The following CHN2 variants were observed in gnomAD, a reference collection of about 807,000 sequenced individuals.
CHN2 encodes the protein chimerin 2.
Under a neutral mutation model 56.3 loss-of-function variants are expected in CHN2, and 35 were observed. The ratio of observed to expected loss-of-function variants is 0.62; its 90% confidence interval spans 0.47 to 0.82. CHN2 has a LOEUF of 0.82. Ranked by LOEUF, CHN2 falls within the 40% of genes least tolerant of loss-of-function variation. CHN2 has a pLI of 0.00. For missense variants in CHN2, 491 were observed against 580.5 expected, an observed-to-expected ratio of 0.85 and a Z score of 1.58; for synonymous variants, 210 against 212.8, an observed-to-expected ratio of 0.99 and a Z score of 0.12.
At chr7:29,262,086 T>G (rs1478291336) in intron 1 of CHN2, among the ~76,000 whole-genome samples, 3 of 152,132 alleles carry the variant, frequency 2.0e-5, no homozygotes, top group Admixed American at 6.5e-5. Flanking sequence ...GAGAATCGCT[T>G]GAATCTGGAA....
intron 1 of CHN2, among the ~76,000 whole-genome samples, chr7:29,317,984 A>C (rs1241403575): frequency 6.6e-6 from 1 of 152,206 alleles, no homozygotes; most frequent in Non-Finnish European, 1.5e-5. Flanking sequence ...ACCCTGTCTC[A>C]AAAAAACAAA....
chr7:29,309,222 CG>C (rs1794402745), intron 1 of CHN2, among the ~76,000 whole-genome samples: 1 of 152,092 alleles, frequency 6.6e-6, no homozygotes, highest in Non-Finnish European at 1.5e-5. Flanking sequence ...CTTTGGCCTA[CG>C]GTTCAAAAAG....
intron 2 of CHN2, among the ~76,000 whole-genome samples, chr7:29,365,303 C>T (rs942163885): frequency 1.3e-5 from 2 of 152,198 alleles, no homozygotes; most frequent in African/African-American, 2.4e-5. Flanking sequence ...CATAGCACCT[C>T]AGCAAAACCT....
chr7:29,205,235 T>C (rs1229877177), intron 1 of CHN2, among the ~76,000 whole-genome samples: 1 of 152,208 alleles, frequency 6.6e-6, no homozygotes, highest in Non-Finnish European at 1.5e-5. Context: ...TTGGTGTTTC[T>C]TCCTATTGCT....
intron 2 of CHN2, among the ~76,000 whole-genome samples, chr7:29,149,097 A>C (rs1236890794): frequency 4.6e-5 from 7 of 152,010 alleles, no homozygotes; most frequent in Admixed American, 6.6e-5. Context: ...TGAGGTTAGA[A>C]AATTAGACTG....
intron 1 of CHN2, among the ~76,000 whole-genome samples, chr7:29,269,387 C>CT (rs1790429580): frequency 6.6e-6 from 1 of 152,122 alleles, no homozygotes; most frequent in African/African-American, 2.4e-5. Context: ...ATATTTTATT[C>CT]TTTTTTGTGG....
At chr7:29,238,178 C>T (rs1054351764) in intron 1 of CHN2, among the ~76,000 whole-genome samples, 4 of 151,910 alleles carry the variant, frequency 2.6e-5, no homozygotes, top group African/African-American at 4.8e-5. Context: ...CCACCACGCC[C>T]GGCTAATATT....
intron 2 of CHN2, chr7:29,184,632 T>C (rs1798484378): frequency 6.6e-6 from 1 of 152,246 alleles, no homozygotes; most frequent in South Asian, 2.1e-4. Context: ...TCAGCCTTTC[T>C]GTTTTCTCCA....
chr7:29,330,612 A>G (rs571857783), intron 1 of CHN2, among the ~76,000 whole-genome samples: 12 of 152,336 alleles, frequency 7.9e-5, no homozygotes, highest in Admixed American at 3.3e-4. Context: ...AAACAAAGTA[A>G]TAATTTAGCA....
chr7:29,404,592 C>T (rs1198649909), intron 6 of CHN2, among the ~76,000 whole-genome samples: 2 of 152,036 alleles, frequency 1.3e-5, no homozygotes, highest in African/African-American at 4.8e-5. Context: ...AATGAGAACC[C>T]TCATATGGGC....
intron 1 of CHN2, among the ~76,000 whole-genome samples, chr7:29,299,924 G>A (rs182830601): frequency 6.6e-6 from 1 of 152,304 alleles, no homozygotes; most frequent in African/African-American, 2.4e-5. Flanking sequence ...TGGGCCATGG[G>A]CATGGGGAAA....
intron 1 of CHN2, among the ~76,000 whole-genome samples, chr7:29,267,795 A>G (rs1790270763): frequency 6.6e-6 from 1 of 152,204 alleles, no homozygotes; most frequent in Non-Finnish European, 1.5e-5. Context: ...GGACAAGGAG[A>G]GACTCAAGAG....
intron 6 of CHN2, among the ~76,000 whole-genome samples, chr7:29,422,775 AC>A (rs1281017606): frequency 1.4e-5 from 2 of 145,024 alleles, no homozygotes; most frequent in Non-Finnish European, 3.1e-5. Context: ...GGGCTAGCTT[AC>A]CCCAGAAATC....
intron 6 of CHN2, among the ~76,000 whole-genome samples, chr7:29,436,869 C>G: frequency 6.6e-6 from 1 of 151,908 alleles, no homozygotes; most frequent in East Asian, 1.9e-4. Context: ...GGGTCTTAAA[C>G]TTTTATATTC....
intron 1 of CHN2, among the ~76,000 whole-genome samples, chr7:29,316,997 G>A (rs1222975456): frequency 5.3e-5 from 8 of 152,242 alleles, no homozygotes; most frequent in South Asian, 2.1e-4. Context: ...AAAACAAATT[G>A]TTCTTTTGAA....
chr7:29,300,567 C>A (rs746981980), intron 1 of CHN2, among the ~76,000 whole-genome samples: 2 of 152,094 alleles, frequency 1.3e-5, no homozygotes, highest in Non-Finnish European at 2.9e-5. Context: ...AGAGATGCAG[C>A]GTAATACTTG....
At chr7:29,356,872 G>A (rs1798355057) in intron 2 of CHN2, among the ~76,000 whole-genome samples, 1 of 152,226 alleles carries the variant, frequency 6.6e-6, no homozygotes, top group African/African-American at 2.4e-5. Flanking sequence ...AATATCTGTA[G>A]TGAGAGGCAT....
At chr7:29,331,809 C>T (rs1396088572) in intron 1 of CHN2, among the ~76,000 whole-genome samples, 8 of 152,072 alleles carry the variant, frequency 5.3e-5, no homozygotes, top group Non-Finnish European at 1.2e-4. Context: ...CGCCTGTAAT[C>T]CCAGCACTTT....
In CHN2 at chr7:29,257,478, C is replaced by A. The variant is rs530325795; in HGVS notation, c.49+62488C>A. Among the ~76,000 whole-genome samples, 3 of 152,336 alleles carry A rather than the reference C, an allele frequency of 2.0e-5. No homozygotes were observed. The South Asian group carries it at 6.2e-4, about 32-fold the overall frequency. ...GTTCTGACTGCTCCCTCTCCTCCAC[C>A]ATCCCTTCATCTTTTCTCCTTTCCA... On this transcript the variant is annotated intron_variant, in intron 1 of 12. Transcript: ENST00000222792.
Sources: allele counts gnomAD v4.1 joint callset (sites outside exome capture counted in the v4.1 genomes callset), GRCh38; gene constraint gnomAD v4.1.1; transcripts MANE v1.5; gene names NCBI Gene and HGNC (gene_info 2026-07-23, HGNC 2026-07-21).